The following NR6A1 variants were observed in gnomAD, a reference collection of about 807,000 sequenced individuals.
NR6A1 encodes nuclear receptor subfamily 6 group A member 1, also known as retinoic acid receptor-related testis-associated receptor.
In NR6A1, 7 loss-of-function variants were observed where a neutral mutation model predicts 59.1. The observed-to-expected ratio is 0.12, with a 90% confidence interval of 0.07 to 0.22. The LOEUF (loss-of-function observed/expected upper bound fraction) is 0.22, where lower values mean the gene tolerates loss of function less well. Among genes scored for constraint, NR6A1 ranks in the 10% least tolerant of loss-of-function variants. NR6A1 has a pLI of 1.00. For missense variants in NR6A1, 468 were observed against 611.6 expected, an observed-to-expected ratio of 0.77 and a Z score of 2.48; for synonymous variants, 243 against 236.1, an observed-to-expected ratio of 1.03 and a Z score of -0.27.
At chr9:124,557,368 C>T (rs1315074811) in intron 2 of NR6A1, among the ~76,000 whole-genome samples, 2 of 152,068 alleles carry the variant, frequency 1.3e-5, no homozygotes, top group Admixed American at 6.5e-5. Context: ...CTCCTGACCT[C>T]GTGATCCACC....
At chr9:124,686,070 A>T (rs183828813) in intron 2 of NR6A1, among the ~76,000 whole-genome samples, 1 of 152,224 alleles carries the variant, frequency 6.6e-6, no homozygotes, top group East Asian at 1.9e-4. Flanking sequence ...TATGAAATGA[A>T]TATGTCTACT....
chr9:124,643,766 A>C (rs1398995885), intron 2 of NR6A1, among the ~76,000 whole-genome samples: 1 of 150,080 alleles, frequency 6.7e-6, no homozygotes, highest in Non-Finnish European at 1.5e-5. Context: ...AAAACAAAAA[A>C]AAAAAAAAAG....
intron 2 of NR6A1, among the ~76,000 whole-genome samples, chr9:124,621,949 C>T (rs1015355358): frequency 6.6e-6 from 1 of 152,142 alleles, no homozygotes; most frequent in Non-Finnish European, 1.5e-5. Context: ...CATGGTGGCT[C>T]GTGCCTATAA....
intron 1 of NR6A1, among the ~76,000 whole-genome samples, chr9:124,770,799 A>T (rs898387175): frequency 6.6e-6 from 1 of 150,682 alleles, no homozygotes; most frequent in Admixed American, 6.6e-5. Context: ...GGGTCCGCGC[A>T]GAAGGGAACA....
intron 2 of NR6A1, among the ~76,000 whole-genome samples, chr9:124,689,976 T>C (rs960140236): frequency 3.9e-5 from 6 of 152,282 alleles, no homozygotes; most frequent in African/African-American, 1.2e-4. Context: ...AAACAATCCC[T>C]AGGATTCTAC....
chr9:124,769,899 T>G (rs1281983715), intron 1 of NR6A1, among the ~76,000 whole-genome samples: 1 of 152,130 alleles, frequency 6.6e-6, no homozygotes, highest in Non-Finnish European at 1.5e-5. Flanking sequence ...TCACAAAAGC[T>G]CCTAACACGT....
chr9:124,628,311 A>G (rs1210717836), intron 2 of NR6A1, among the ~76,000 whole-genome samples: 2 of 152,174 alleles, frequency 1.3e-5, no homozygotes, highest in South Asian at 2.1e-4. Flanking sequence ...TACAGGCGTG[A>G]GCCACCGCAC....
intron 2 of NR6A1, among the ~76,000 whole-genome samples, chr9:124,592,310 C>G (rs543905358): frequency 6.6e-6 from 1 of 152,040 alleles, no homozygotes; most frequent in African/African-American, 2.4e-5. Flanking sequence ...GGTTTCATAC[C>G]CCATTTTAAC....
chr9:124,611,749 T>TAGAG lies in NR6A1; in HGVS notation c.143-57183_143-57180dup, dbSNP rs34197337. 8.8e-3 allele frequency among the ~76,000 whole-genome samples: 807 copies of TAGAG among 91,474 alleles called. 10 individuals are homozygous for TAGAG. Among genetic ancestry groups the TAGAG allele is most frequent in the Middle Eastern group, 0.036 (7 of 194 alleles). The allele number at this position is 91,474 out of a possible 152,430, so 60.0% of individuals were successfully genotyped here. A position where few individuals can be genotyped will look rare whatever the true frequency, so the allele number is the denominator to read the frequency against. ...TGCACAACAGAGTGAGACCCTGTCT[T>TAGAG]AGAGAGAGAGAGAGAGAGAGAGAGA... On this transcript the variant is annotated intron_variant, in intron 2 of 9. Coordinates refer to ENST00000487099, the MANE Select transcript of NR6A1 (RefSeq NM_033334.4).
chr9:124,762,805 C>T (rs544879839), intron 1 of NR6A1, among the ~76,000 whole-genome samples: 6 of 152,258 alleles, frequency 3.9e-5, no homozygotes, highest in African/African-American at 1.4e-4. Flanking sequence ...TTCATAACAT[C>T]GAAAATCATA....
intron 2 of NR6A1, among the ~76,000 whole-genome samples, chr9:124,684,709 G>A (rs2131003039): frequency 6.6e-6 from 1 of 152,300 alleles, no homozygotes; most frequent in Non-Finnish European, 1.5e-5. Flanking sequence ...GCGGTAAAGT[G>A]TAGCAGCAGC....
At chr9:124,742,140 C>G (rs1339287595) in intron 1 of NR6A1, among the ~76,000 whole-genome samples, 1 of 152,136 alleles carries the variant, frequency 6.6e-6, no homozygotes, top group African/African-American at 2.4e-5. Context: ...TGGTTTTTAT[C>G]CTATAGGCAA....
At chr9:124,524,142 G>A (rs1240192614) in intron 9 of NR6A1, among the ~76,000 whole-genome samples, 1 of 151,912 alleles carries the variant, frequency 6.6e-6, no homozygotes, top group Non-Finnish European at 1.5e-5. Context: ...AAATTTTTTA[G>A]AGATGAGGTC....
intron 2 of NR6A1, among the ~76,000 whole-genome samples, chr9:124,733,068 C>T (rs1019999215): frequency 4.6e-5 from 7 of 152,170 alleles, no homozygotes; most frequent in African/African-American, 1.4e-4. Flanking sequence ...TGGTGTTAAA[C>T]AGAAATTTTC....
Position 124,538,765 on chromosome 9 carries a change from C to CGG in NR6A1, c.597-447_597-446insCC, listed in dbSNP as rs111636818. Among the ~76,000 whole-genome samples, 803 of 152,294 alleles carry CGG rather than the reference C, an allele frequency of 5.3e-3. 8 individuals carry two copies. Among genetic ancestry groups the CGG allele is most frequent in the African/African-American group, 0.018 (754 of 41,564 alleles). ...TAGCAAGGAACCCGGCATGTGGCAACAACCCCCTAAATAGTCCAAGGAAAG... is the reference window on the plus strand; with the variant it reads ...TAGCAAGGAACCCGGCATGTGGCAACGGAACCCCCTAAATAGTCCAAGGAAAG... On this transcript the variant is annotated intron_variant, in intron 5 of 9. Transcript: ENST00000487099.
intron 2 of NR6A1, among the ~76,000 whole-genome samples, chr9:124,582,105 TA>T (rs1285476831): frequency 6.6e-6 from 1 of 152,178 alleles, no homozygotes; most frequent in Admixed American, 6.5e-5. Flanking sequence ...ATCATTCTAT[TA>T]TAAAGACATA....
intron 2 of NR6A1, among the ~76,000 whole-genome samples, chr9:124,667,430 C>G (rs559388577): frequency 7.2e-5 from 11 of 152,164 alleles, no homozygotes; most frequent in Admixed American, 7.2e-4. Flanking sequence ...ATCTAAAATA[C>G]GTGCTACAGG....
At chr9:124,680,070 TTA>T (rs539833069) in intron 2 of NR6A1, among the ~76,000 whole-genome samples, 4 of 150,264 alleles carry the variant, frequency 2.7e-5, no homozygotes, top group Admixed American at 6.6e-5. Context: ...TCAAATGTGT[TTA>T]TGTGTCTGTG....
rs775099682 is a variant in NR6A1 at position 124,538,264 on chromosome 9, A to C, written c.652T>G (p.Ser218Ala). 1 of 1,614,214 alleles carries C rather than the reference A, an allele frequency of 6.2e-7. No individual in the cohort carries two copies. The change falls in exon 6 of 10, where the codon TCT (serine) becomes GCT (alanine). Residue 218 changes from serine to alanine, a missense_variant. Transcript: ENST00000487099. ...MAFREQYMGM[S>A]VPPHYQYIPH... ...ATATATTGGTAATGTGGAGGCACAGACATTCCCATGTACTGTTCCCTGAAG... is the reference window on the plus strand; with the variant it reads ...ATATATTGGTAATGTGGAGGCACAGCCATTCCCATGTACTGTTCCCTGAAG...
Sources: allele counts gnomAD v4.1 joint callset (sites outside exome capture counted in the v4.1 genomes callset), GRCh38; gene constraint gnomAD v4.1.1; transcripts MANE v1.5; gene names NCBI Gene and HGNC (gene_info 2026-07-23, HGNC 2026-07-21).